HS6ST3: variants seen among roughly 807,000 people sequenced by gnomAD.
HS6ST3 encodes heparan sulfate 6-O-sulfotransferase 3, also known as heparan-sulfate 6-O-sulfotransferase 3.
A neutral mutation model predicts 36.7 loss-of-function variants in HS6ST3; 12 were observed. The ratio of observed to expected loss-of-function variants is 0.33; its 90% CI spans 0.21 to 0.53. The LOEUF (loss-of-function observed/expected upper bound fraction) is 0.53. Ranked by LOEUF, HS6ST3 falls within the 20% of genes least tolerant of loss-of-function variation. The pLI is 0.95. For synonymous variants in HS6ST3, 240 were observed against 257.5 expected, an observed-to-expected ratio of 0.93 and a Z score of 0.65; for missense variants, 584 against 640.9, an observed-to-expected ratio of 0.91 and a Z score of 0.96.
rs539118545 is a variant in HS6ST3 at position 96,289,199 on chromosome 13, C to T, written c.707+197630C>T. ...TAATACTCTATTTGTAATATGTAAA[C>T]TCAATGCCTTTTCATTTAGAAACTC... On this transcript the variant is annotated intron_variant, in intron 1 of 1. Transcript: ENST00000376705. Among the ~76,000 whole-genome samples, 161 of 152,108 alleles carry T rather than the reference C, an allele frequency of 1.1e-3. 3 individuals are homozygous for T. The highest frequency in any genetic ancestry group is 3.8e-3 in the African/African-American group (158 of 41,526).
At chr13:96,137,590 C>T (rs1373599394) in intron 1 of HS6ST3, among the ~76,000 whole-genome samples, 1 of 152,044 alleles carries the variant, frequency 6.6e-6, no homozygotes, top group Admixed American at 6.6e-5. Context: ...TGTGCCACCA[C>T]ACCTGGCTAA....
At chr13:96,223,673 T>C (rs977771234) in intron 1 of HS6ST3, among the ~76,000 whole-genome samples, 2 of 152,002 alleles carry the variant, frequency 1.3e-5, no homozygotes, top group Admixed American at 6.6e-5. Context: ...GAAGTTTTTG[T>C]CGTTTTTTAT....
At chr13:96,720,976 C>A (rs748199314) in intron 1 of HS6ST3, among the ~76,000 whole-genome samples, 19 of 152,226 alleles carry the variant, frequency 1.2e-4, no homozygotes, top group Admixed American at 3.9e-4. Flanking sequence ...TAATGATAAA[C>A]CCTGCAAGAA....
intron 1 of HS6ST3, among the ~76,000 whole-genome samples, chr13:96,619,666 T>C (rs1034507092): frequency 6.6e-6 from 1 of 152,270 alleles, no homozygotes; most frequent in Non-Finnish European, 1.5e-5. Flanking sequence ...AAATAAGTGC[T>C]ATAAAGATTG....
chr13:96,651,340 C>G (rs2056606438), intron 1 of HS6ST3, among the ~76,000 whole-genome samples: 1 of 151,952 alleles, frequency 6.6e-6, no homozygotes, highest in Non-Finnish European at 1.5e-5. Context: ...ATTTATCTTT[C>G]AGGAGTTAGT....
intron 1 of HS6ST3, among the ~76,000 whole-genome samples, chr13:96,364,152 A>G (rs1476611294): frequency 1.3e-5 from 2 of 152,150 alleles, no homozygotes; most frequent in Non-Finnish European, 2.9e-5. Context: ...AAGTATGTAG[A>G]AAAATTGAAA....
chr13:96,506,981 TG>T (rs1005735717), intron 1 of HS6ST3, among the ~76,000 whole-genome samples: 7 of 152,152 alleles, frequency 4.6e-5, no homozygotes, highest in Non-Finnish European at 5.9e-5. Flanking sequence ...ACAAATATTG[TG>T]TGCTTGGATT....
chr13:96,613,408 G>A (rs1253850030), intron 1 of HS6ST3, among the ~76,000 whole-genome samples: 1 of 152,128 alleles, frequency 6.6e-6, no homozygotes, highest in Non-Finnish European at 1.5e-5. Context: ...TAAGCAGTCT[G>A]GCTGCTTCAC....
chr13:96,326,474 A>G (rs143311101), intron 1 of HS6ST3, among the ~76,000 whole-genome samples: 2,190 of 152,072 alleles, frequency 0.014, 28 homozygotes, highest in East Asian at 0.055. Context: ...GATGGTTCCC[A>G]GCTTCATCCA....
intron 1 of HS6ST3, among the ~76,000 whole-genome samples, chr13:96,639,538 T>TA (rs199839539): frequency 1.3e-5 from 2 of 149,748 alleles, no homozygotes; most frequent in African/African-American, 4.9e-5. Flanking sequence ...AAAAGAGATT[T>TA]AAAAAAAATT....
chr13:96,466,182 A>G (rs999573294), intron 1 of HS6ST3, among the ~76,000 whole-genome samples: 1 of 152,028 alleles, frequency 6.6e-6, no homozygotes, highest in African/African-American at 2.4e-5. Flanking sequence ...TCAGGAGGCT[A>G]AGGCAGGGGA....
intron 1 of HS6ST3, among the ~76,000 whole-genome samples, chr13:96,239,181 A>G (rs935779162): frequency 2.0e-5 from 3 of 152,192 alleles, no homozygotes; most frequent in Non-Finnish European, 4.4e-5. Flanking sequence ...AGAAACCACA[A>G]AGCAATTAAA....
At position 96,334,215 on chromosome 13, in the gene HS6ST3, T is replaced by C. The variant is rs148696929; in HGVS notation, c.707+242646T>C. ...AGTTCATGCCAAGTCTCGTGTTGAA[T>C]TGTAATCCCCAGTGTTGGAGGTGGG... On this transcript the variant is annotated intron_variant, in intron 1 of 1. Coordinates refer to ENST00000376705, the MANE Select transcript of HS6ST3 (RefSeq NM_153456.4). Among the ~76,000 whole-genome samples the C allele has an allele frequency of 5.8e-3, 882 of 152,286 alleles. 11 individuals carry two copies. The highest frequency in any genetic ancestry group is 0.02 in the African/African-American group (851 of 41,560).
At chr13:96,739,824 AT>A (rs546137014) in intron 1 of HS6ST3, among the ~76,000 whole-genome samples, 6 of 151,990 alleles carry the variant, frequency 3.9e-5, no homozygotes, top group Non-Finnish European at 8.8e-5. Flanking sequence ...CTTCCTATAT[AT>A]TTTTTTCAGA....
intron 1 of HS6ST3, among the ~76,000 whole-genome samples, chr13:96,269,802 T>C (rs1415796708): frequency 1.3e-5 from 2 of 152,010 alleles, no homozygotes; most frequent in Non-Finnish European, 2.9e-5. Context: ...CTGATGTCCT[T>C]TGCAGTCTGA....
chr13:96,168,748 C>G (rs959520836), intron 1 of HS6ST3, among the ~76,000 whole-genome samples: 1 of 151,308 alleles, frequency 6.6e-6, no homozygotes, highest in African/African-American at 2.4e-5. Context: ...CCTATTGATT[C>G]TAATACATGT....
chr13:96,362,613 G>A (rs1432022589), intron 1 of HS6ST3, among the ~76,000 whole-genome samples: 1 of 152,152 alleles, frequency 6.6e-6, no homozygotes, highest in Non-Finnish European at 1.5e-5. Flanking sequence ...GAGAGTTGGT[G>A]AGTCACACCC....
At chr13:96,626,206 A>G (rs1490555990) in intron 1 of HS6ST3, among the ~76,000 whole-genome samples, 1 of 151,878 alleles carries the variant, frequency 6.6e-6, no homozygotes, top group African/African-American at 2.4e-5. Flanking sequence ...ATATTTTGCT[A>G]TTTTTCTATA....
At chr13:96,717,219 T>A (rs1875721851) in intron 1 of HS6ST3, among the ~76,000 whole-genome samples, 1 of 152,192 alleles carries the variant, frequency 6.6e-6, no homozygotes, top group African/African-American at 2.4e-5. Flanking sequence ...TAGGGACACT[T>A]GTGTGGCAGA....
Sources: gnomAD v4.1 joint callset for allele counts (sites outside exome capture counted in the v4.1 genomes callset) on GRCh38, gnomAD v4.1.1 for gene constraint, MANE v1.5 for transcripts, NCBI Gene and HGNC (gene_info 2026-07-23, HGNC 2026-07-21) for gene names.